Variants in CACNA1I observed in about 807,000 individuals in gnomAD.
The protein encoded by CACNA1I is voltage-dependent T-type calcium channel subunit alpha-1I.
CACNA1I carries 74 observed loss-of-function variants against 201.6 expected under a neutral mutation model. That is an observed-to-expected ratio of 0.37 (90% confidence interval 0.30 to 0.45). The LOEUF (loss-of-function observed/expected upper bound fraction) is 0.45. CACNA1I is among the 20% of genes least tolerant of loss of function. The pLI is 1.00. For synonymous variants in CACNA1I, 1,431 were observed against 1,345.2 expected (o/e 1.06, Z -1.40); for missense variants, 2,346 against 3,138.1 (o/e 0.75, Z 6.03).
intron 1 of CACNA1I, among the ~76,000 whole-genome samples, chr22:39,586,002 A>G (rs1932740321): frequency 6.6e-6 from 1 of 151,456 alleles, no homozygotes; most frequent in Admixed American, 6.6e-5. Context: ...ACATGGTGAA[A>G]CCCCGTCTCT....
At position 39,664,789 on chromosome 22, in the gene CACNA1I, C is replaced by T; in HGVS notation, c.3717C>T (p.Ser1239=). 6.2e-7 allele frequency: 1 copy of T among 1,612,622 alleles called. No homozygotes were observed. Among genetic ancestry groups the T allele is most frequent in the South Asian group, 1.1e-5 (1 of 91,040 alleles). The change falls in exon 21 of 37, where the codon AGC becomes AGT. Residue 1239 remains serine, a synonymous_variant. Coordinates refer to ENST00000402142, the MANE Select transcript of CACNA1I (RefSeq NM_021096.4). ...YFGEQAYLRS[S]WNVLDGFLVF... ...GCGAGCAGGCGTACCTACGCAGCAG[C>T]TGGAACGTGCTGGATGGCTTTCTTG...
intron 3 of CACNA1I, among the ~76,000 whole-genome samples, chr22:39,613,358 G>T (rs1933435505): frequency 6.6e-6 from 1 of 152,210 alleles, no homozygotes; most frequent in Non-Finnish European, 1.5e-5. Context: ...CCTCATAGAG[G>T]ATCAGTGGGA....
Position 39,664,753 on chromosome 22 carries a change from C to G in CACNA1I, c.3681C>G (p.Gly1227=), listed in dbSNP as rs1935133316. 2.2e-6 allele frequency: 3 copies of G among 1,338,140 alleles called. No homozygotes were observed. In the African/African-American group the frequency reaches 4.6e-5, roughly 21 times the overall value. 82.9% of individuals were successfully genotyped at this position (1,338,140 alleles called of 1,614,324 possible). ...CCCCGCCCCAGGTAGTCTCGCTGGG[C>G]CTGTACTTCGGCGAGCAGGCGTACC... ...GEMTLKVVSL[G]LYFGEQAYLR... Residue 1227 remains glycine, a synonymous_variant, in exon 21 of 37, where the codon GGC becomes GGG. Transcript: ENST00000402142.
chr22:39,572,861 A>G (rs1294964299), intron 1 of CACNA1I, among the ~76,000 whole-genome samples: 1 of 151,882 alleles, frequency 6.6e-6, no homozygotes, highest in Non-Finnish European at 1.5e-5. Flanking sequence ...GGTTCAAGCA[A>G]TTCTCCTGCC....
At chr22:39,583,069 CATCCATCCATCCAACA>C (rs1455395660) in intron 1 of CACNA1I, among the ~76,000 whole-genome samples, 2 of 149,476 alleles carry the variant, frequency 1.3e-5, no homozygotes, top group African/African-American at 2.5e-5. Context: ...TCCATCCATC[CATCCATCCATCCAACA>C]ATCCGTCCAT....
At position 39,685,961 on chromosome 22, in the gene CACNA1I, C is replaced by G; in HGVS notation, c.6228C>G (p.Ser2076Arg). 7.9e-7 allele frequency: 1 copy of G among 1,261,292 alleles called. No homozygotes were observed. The allele number at this position is 1,261,292 out of a possible 1,614,324, so 78.1% of individuals were successfully genotyped here. The part of the protein sequence containing the change: ...RLSLRGRGLF[S>R]LRGLRAHQRS... ...GCCTGCGCGGCCGGGGCCTCTTCAG[C>G]CTGCGGGGGCTGCGGGCGCATCAGC... Residue 2076 changes from serine to arginine, a missense_variant, in exon 37 of 37, where the codon AGC becomes AGG. By Grantham distance (110) the Ser-to-Arg change is moderately radical. Coordinates refer to ENST00000402142, the MANE Select transcript of CACNA1I (RefSeq NM_021096.4). This position sits in a 1 kb window ranked among gnomAD's most constrained non-coding sequence, Gnocchi z 5.0.
At chr22:39,572,239 C>T (rs1010067253) in intron 1 of CACNA1I, among the ~76,000 whole-genome samples, 2 of 152,034 alleles carry the variant, frequency 1.3e-5, no homozygotes, top group African/African-American at 4.8e-5. Flanking sequence ...CTGGGGACCA[C>T]TGAGGAGGAG....
intron 4 of CACNA1I, among the ~76,000 whole-genome samples, chr22:39,620,046 TCCATC>T (rs1933686017): frequency 7.2e-6 from 1 of 139,464 alleles, no homozygotes; most frequent in Non-Finnish European, 1.5e-5. Context: ...CATCCATCCA[TCCATC>T]CACCCACCCA....
chr22:39,623,092 C>G (rs966831594), intron 4 of CACNA1I, among the ~76,000 whole-genome samples: 1 of 152,210 alleles, frequency 6.6e-6, no homozygotes, highest in Non-Finnish European at 1.5e-5. Context: ...AGGCTGCAGG[C>G]GGGCTTAGGG....
At chr22:39,616,716 A>G (rs1250498592) in intron 3 of CACNA1I, among the ~76,000 whole-genome samples, 12 of 150,854 alleles carry the variant, frequency 8.0e-5, no homozygotes, top group African/African-American at 2.2e-4. Flanking sequence ...GTGAGCTAAG[A>G]TAGTGCCATT....
chr22:39,598,796 G>A (rs1932953575), intron 2 of CACNA1I, among the ~76,000 whole-genome samples: 1 of 151,966 alleles, frequency 6.6e-6, no homozygotes, highest in African/African-American at 2.4e-5. Context: ...CTTGACCTTT[G>A]GTACCTGACA....
rs1437848409 is a variant in CACNA1I at position 39,681,125 on chromosome 22, C to G, written c.5664+73C>G. 2.0e-6 allele frequency: 3 copies of G among 1,484,938 alleles called. No homozygotes were observed. In the East Asian group the frequency reaches 7.0e-5, roughly 35 times the overall value. The allele number at this position is 1,484,938 out of a possible 1,614,324, so 92.0% of individuals were successfully genotyped here. A position where few individuals can be genotyped will look rare whatever the true frequency, so the allele number is the denominator to read the frequency against. On this transcript the variant is annotated intron_variant, in intron 34 of 36. Coordinates refer to ENST00000402142, the MANE Select transcript of CACNA1I (RefSeq NM_021096.4). ...CTGGCCCCTGCCCACCCAGGCAGGA[C>G]CCCCCTGTCTTTCCAGTCTACCATG...
chr22:39,664,369 C>T (rs922876929), intron 20 of CACNA1I, among the ~76,000 whole-genome samples: 2 of 152,076 alleles, frequency 1.3e-5, no homozygotes, highest in African/African-American at 2.4e-5. Flanking sequence ...GTCACAAACC[C>T]ACCAGACAGA....
In CACNA1I at chr22:39,682,541, G is replaced by A. The variant is rs570266296; in HGVS notation, c.5710G>A (p.Glu1904Lys). The A allele has an allele frequency of 5.2e-5, 84 of 1,613,774 alleles. No individual in the cohort carries two copies. The highest frequency in any genetic ancestry group is 9.9e-5 in the South Asian group (9 of 91,074). Residue 1904 changes from glutamate to lysine, a missense_variant, in exon 35 of 37, where the codon GAA becomes AAA. This residue lies in a region of CACNA1I where 441 missense variants were observed against 555.6 expected (regional missense o/e 0.79). Transcript: ENST00000402142. ...PEPMRVGDLG[E>K]CFFPLSSTAV... ...GCCCATGCGTGTGGGAGACCTGGGC[G>A]AATGCTTCTTCCCCTTGTCCTCTAC...
chr22:39,585,027 C>G (rs940903890), intron 1 of CACNA1I, among the ~76,000 whole-genome samples: 2 of 152,208 alleles, frequency 1.3e-5, no homozygotes, highest in South Asian at 4.1e-4. Flanking sequence ...ACTACTTTAA[C>G]ATAACTACCT....
At position 39,659,492 on chromosome 22, in the gene CACNA1I, C is replaced by T. The variant is rs953352145; in HGVS notation, c.2390C>T (p.Thr797Met). The change falls in exon 13 of 37, where the codon ACG becomes ATG. Residue 797 changes from threonine (T) to methionine (M), a missense_variant. Thr to Met is a moderately conservative substitution (Grantham distance 81). This residue lies in a region of CACNA1I where 155 missense variants were observed against 300.8 expected (regional missense o/e 0.52). Coordinates refer to ENST00000402142, the MANE Select transcript of CACNA1I (RefSeq NM_021096.4). The surrounding 1 kb of genome is among the most constrained non-coding windows in gnomAD (Gnocchi z 4.3). ...AGCCTCCGCACGGACACTGGAGACA[C>T]GGTGCCCGACAGGAAGAACTTCGAC... The part of the protein sequence containing the change: ...KFSLRTDTGD[T>M]VPDRKNFDSL... The T allele has an allele frequency of 8.8e-6, 14 of 1,587,764 alleles. No homozygotes were observed. Among genetic ancestry groups the T allele is most frequent in the African/African-American group, 1.3e-5 (1 of 74,256 alleles).
At chr22:39,609,981 CT>C (rs1219885039) in intron 3 of CACNA1I, among the ~76,000 whole-genome samples, 1 of 152,224 alleles carries the variant, frequency 6.6e-6, no homozygotes, top group African/African-American at 2.4e-5. Flanking sequence ...AGCCCAGTGC[CT>C]GTCAGCAGAT....
chr22:39,650,549 C>T (rs1307254598), intron 10 of CACNA1I, among the ~76,000 whole-genome samples: 1 of 152,204 alleles, frequency 6.6e-6, no homozygotes, highest in African/African-American at 2.4e-5. Context: ...ACTTCTGTTG[C>T]TCCTCATTGC....
At chr22:39,674,795 AATACAAGGCACAG>A (rs1251673403) in intron 29 of CACNA1I, among the ~76,000 whole-genome samples, 1 of 152,140 alleles carries the variant, frequency 6.6e-6, no homozygotes. Flanking sequence ...GGTGCCTTAA[AATACAAGGCACAG>A]ATACTGCACA....
Sources: allele counts gnomAD v4.1 joint callset (sites outside exome capture counted in the v4.1 genomes callset), GRCh38; gene constraint gnomAD v4.1.1; regional missense constraint gnomAD v4.1.1; non-coding constraint Gnocchi (gnomAD v3.1); transcripts MANE v1.5; gene names NCBI Gene and HGNC (gene_info 2026-07-23, HGNC 2026-07-21).